FOXO3: variants seen among roughly 807,000 people sequenced by gnomAD.
The protein encoded by FOXO3 is forkhead box O3, also known as forkhead box protein O3.
A neutral mutation model predicts 41.9 loss-of-function variants in FOXO3; 4 were observed. That is an observed-to-expected ratio of 0.10 (90% CI 0.05 to 0.22). The LOEUF (loss-of-function observed/expected upper bound fraction) is 0.22. FOXO3 is among the 10% of genes least tolerant of loss of function. FOXO3 has a pLI of 1.00. For missense variants in FOXO3, 534 were observed against 906.8 expected, an observed-to-expected ratio of 0.59 and a Z score of 5.28; for synonymous variants, 318 against 389.3, an observed-to-expected ratio of 0.82 and a Z score of 2.16.
intron 1 of FOXO3, among the ~76,000 whole-genome samples, chr6:108,622,463 A>AT (rs1777696582): frequency 6.6e-6 from 1 of 152,126 alleles, no homozygotes; most frequent in Non-Finnish European, 1.5e-5. Context: ...CCCTTGGAGA[A>AT]TTACTGCAAG....
intron 1 of FOXO3, among the ~76,000 whole-genome samples, chr6:108,611,150 T>G (rs916403134): frequency 6.6e-6 from 1 of 152,202 alleles, no homozygotes; most frequent in African/African-American, 2.4e-5. Flanking sequence ...AGAGTGCATT[T>G]GAGATTCATC....
At chr6:108,611,301 A>C (rs1777357189) in intron 1 of FOXO3, among the ~76,000 whole-genome samples, 1 of 152,210 alleles carries the variant, frequency 6.6e-6, no homozygotes, top group Non-Finnish European at 1.5e-5. Context: ...AGTTTTTTAC[A>C]GTTATGAATA....
chr6:108,676,486 C>A (rs1389188512), intron 2 of FOXO3, among the ~76,000 whole-genome samples: 2 of 152,154 alleles, frequency 1.3e-5, no homozygotes, highest in Non-Finnish European at 2.9e-5. Flanking sequence ...AAGGGACCGC[C>A]CCCCTCAGCC....
chr6:108,620,233 A>G (rs529197286), intron 1 of FOXO3, among the ~76,000 whole-genome samples: 76 of 152,212 alleles, frequency 5.0e-4, no homozygotes, highest in Admixed American at 1.9e-3. Flanking sequence ...ATAATTGACT[A>G]ATTCCTGTCT....
At chr6:108,613,258 C>T (rs2764264) in intron 1 of FOXO3, among the ~76,000 whole-genome samples, 80,399 of 152,038 alleles carry the variant, frequency 0.53, 25,124 homozygotes, top group East Asian at 0.69. Context: ...GGTCTTATAA[C>T]ATGAGTTGGA....
chr6:108,560,877 T>G, upstream of FOXO3: 2 of 897,840 alleles, frequency 2.2e-6, no homozygotes, highest in Admixed American at 4.7e-5. Context: ...CGCGAGGCCG[T>G]CGATTCGCTC....
rs116446427 is a variant in FOXO3, at chr6:108,618,668, A to C, written c.622-44787A>C. Reference sequence around the variant, plus strand: ...TTATTTTTGTTTTTGTTGCTGGTGGAAACATGAACTATTGCTAGCTTTATG... The same window carrying C: ...TTATTTTTGTTTTTGTTGCTGGTGGCAACATGAACTATTGCTAGCTTTATG... On this transcript the variant is annotated intron_variant, in intron 1 of 2. Coordinates refer to ENST00000406360, the MANE Select transcript of FOXO3 (RefSeq NM_001455.4). 6.6e-3 allele frequency among the ~76,000 whole-genome samples: 998 copies of C among 152,332 alleles called. 21 individuals are homozygous for C. Among genetic ancestry groups the C allele is most frequent in the South Asian group, 0.048 (230 of 4,828 alleles).
intron 1 of FOXO3, among the ~76,000 whole-genome samples, chr6:108,635,482 G>A (rs780675105): frequency 1.3e-5 from 2 of 152,108 alleles, no homozygotes; most frequent in Admixed American, 6.6e-5. Context: ...TGCTAAAGTC[G>A]AGCAGTGGGT....
At chr6:108,597,210 T>C (rs778454339) in intron 1 of FOXO3, among the ~76,000 whole-genome samples, 8 of 152,214 alleles carry the variant, frequency 5.3e-5, no homozygotes, top group Non-Finnish European at 1.0e-4. Flanking sequence ...ATAAGTTGTT[T>C]CCATGGCTAG....
At chr6:108,593,634 T>A (rs555783173) in intron 1 of FOXO3, among the ~76,000 whole-genome samples, 9 of 151,480 alleles carry the variant, frequency 5.9e-5, no homozygotes, top group African/African-American at 2.2e-4. Flanking sequence ...TGCCTCAGCC[T>A]CCCAAAATGC....
chr6:108,603,255 G>C (rs1372557970), intron 1 of FOXO3, among the ~76,000 whole-genome samples: 2 of 152,148 alleles, frequency 1.3e-5, no homozygotes, highest in Non-Finnish European at 2.9e-5. Flanking sequence ...TGCTGAATTA[G>C]TGTCCTGTGA....
intron 1 of FOXO3, among the ~76,000 whole-genome samples, chr6:108,606,534 C>T (rs1475303753): frequency 6.6e-6 from 1 of 152,202 alleles, no homozygotes; most frequent in Non-Finnish European, 1.5e-5. Context: ...CAAGTGTCTG[C>T]ACAGCCTTGC....
intron 1 of FOXO3, among the ~76,000 whole-genome samples, chr6:108,562,715 A>T (rs946619532): frequency 6.6e-6 from 1 of 151,614 alleles, no homozygotes; most frequent in African/African-American, 2.4e-5. Context: ...CCGAAGAGAG[A>T]CTCTCTACCG....
intron 2 of FOXO3, among the ~76,000 whole-genome samples, chr6:108,673,315 A>G (rs1381633823): frequency 6.6e-6 from 1 of 152,240 alleles, no homozygotes; most frequent in Non-Finnish European, 1.5e-5. Flanking sequence ...AGCTGTAAGA[A>G]GAGGGCCACC....
upstream of FOXO3, among the ~76,000 whole-genome samples, chr6:108,560,296 C>A (rs1188912203): frequency 2.0e-5 from 3 of 152,216 alleles, no homozygotes; most frequent in African/African-American, 7.2e-5. Context: ...CTCGCTCCCT[C>A]CCCCGGATCC....
intron 1 of FOXO3, among the ~76,000 whole-genome samples, chr6:108,594,038 G>A (rs1187979664): frequency 1.3e-5 from 2 of 151,876 alleles, no homozygotes; most frequent in Non-Finnish European, 2.9e-5. Flanking sequence ...TATTTCTTTT[G>A]GACATCTTTT....
chr6:108,666,560 G>A (rs1283381160), intron 2 of FOXO3, among the ~76,000 whole-genome samples: 2 of 151,170 alleles, frequency 1.3e-5, no homozygotes, highest in Non-Finnish European at 2.9e-5. Flanking sequence ...CACCAGGATG[G>A]TCTCGATCTC....
intron 2 of FOXO3, among the ~76,000 whole-genome samples, chr6:108,672,160 C>G (rs1050440257): frequency 6.6e-6 from 1 of 152,174 alleles, no homozygotes; most frequent in African/African-American, 2.4e-5. Context: ...TCCCAAGCCA[C>G]TCAGAGAGAT....
intron 2 of FOXO3, among the ~76,000 whole-genome samples, chr6:108,665,280 C>CCCAG: frequency 6.6e-6 from 1 of 152,280 alleles, no homozygotes; most frequent in African/African-American, 2.4e-5. Flanking sequence ...GGTTAAGGAT[C>CCCAG]CCAGCCAAAG....
Sources: gnomAD v4.1 joint callset for allele counts (sites outside exome capture counted in the v4.1 genomes callset) on GRCh38, gnomAD v4.1.1 for gene constraint, MANE v1.5 for transcripts, NCBI Gene and HGNC (gene_info 2026-07-23, HGNC 2026-07-21) for gene names.